Variants in LONP1 observed in about 807,000 individuals in gnomAD.
The protein encoded by LONP1 is lon protease homolog, mitochondrial.
Under a neutral mutation model 98.5 loss-of-function variants are expected in LONP1, and 31 were observed. The ratio of observed to expected loss-of-function variants is 0.31; its 90% CI spans 0.24 to 0.42. The LOEUF is 0.42. Among genes scored for constraint, LONP1 ranks in the 20% least tolerant of loss-of-function variants. LONP1 has a pLI of 1.00. For synonymous variants in LONP1, 781 were observed against 594.7 expected (o/e 1.31, Z -4.56); for missense variants, 1,336 against 1,350.6 (o/e 0.99, Z 0.17).
At position 5,694,459 on chromosome 19, in the gene LONP1, C is replaced by G. The variant is rs374091667; in HGVS notation, c.2248G>C (p.Val750Leu). 1.2e-6 allele frequency: 2 copies of G among 1,613,492 alleles called. No individual in the cohort carries two copies. Among genetic ancestry groups the G allele is most frequent in the Non-Finnish European group, 1.7e-6 (2 of 1,180,022 alleles). ...ENLQDFVGKP[V>L]FTVERMYDVT... ...TCATACATGCGCTCCACGGTGAACA[C>G]GGGCTTCCCCACGAAGTCCTGCAGG... Residue 750 changes from valine to leucine, a missense_variant, in exon 15 of 18, where the codon GTG becomes CTG. Physicochemically the swap from Val to Leu is conservative, Grantham distance 32. Transcript: ENST00000360614.
chr19:5,713,736 T>C (rs1315196176), intron 2 of LONP1, among the ~76,000 whole-genome samples: 1 of 152,100 alleles, frequency 6.6e-6, no homozygotes, highest in Admixed American at 6.6e-5. Context: ...TAATGTTTTG[T>C]ATTTTTAGTA....
intron 8 of LONP1, among the ~76,000 whole-genome samples, chr19:5,702,427 C>T (rs1270790827): frequency 6.7e-6 from 1 of 150,152 alleles, no homozygotes; most frequent in African/African-American, 2.5e-5. Flanking sequence ...GCCGCCCCTA[C>T]TGGGAAGTGA....
rs757114725 is a variant in LONP1 at position 5,693,756 on chromosome 19, C to T, written c.2334G>A (p.Leu778=). 30 of 1,613,556 alleles carry T rather than the reference C, an allele frequency of 1.9e-5. No individual in the cohort carries two copies. Among genetic ancestry groups the T allele is most frequent in the Non-Finnish European group, 2.4e-5 (28 of 1,179,918 alleles). Residue 778 remains leucine, a synonymous_variant, in exon 16 of 18, where the codon CTG becomes CTA. Transcript: ENST00000360614. The part of the protein sequence containing the change: ...LAWTAMGGST[L]FVETSLRRPQ... ...GCCGTCTCAGGGATGTCTCCACAAA[C>T]AGCGTGGAGCCTCCTGAAACAGGTG...
Position 5,715,517 on chromosome 19 carries a change from C to G in LONP1, c.430-1246G>C, listed in dbSNP as rs371478479. On this transcript the variant is annotated intron_variant, in intron 1 of 17. Coordinates refer to ENST00000360614, the MANE Select transcript of LONP1 (RefSeq NM_004793.4). The stretch of plus-strand genomic sequence containing the variant: ...ATTAGCCGGGCGTGGTGGCGGGCAC[C>G]TGTAGTCCCAGCTACTCGGGAGGCT... 1.5e-3 allele frequency among the ~76,000 whole-genome samples: 233 copies of G among 150,710 alleles called. 1 individual carries two copies. The highest frequency in any genetic ancestry group is 5.5e-3 in the African/African-American group (225 of 41,146).
At chr19:5,695,006 G>A (rs1599446075) in intron 13 of LONP1, 105 bp from the exon 14 acceptor site, 2 of 1,337,178 alleles carry the variant, frequency 1.5e-6, no homozygotes, top group East Asian at 2.4e-5. Flanking sequence ...ACCCTGGCCT[G>A]GGAACGAGGT....
In LONP1 at chr19:5,711,825, C is replaced by T; in HGVS notation, c.816G>A (p.Met272Ile). Residue 272 changes from methionine (M) to isoleucine (I), a missense_variant, in exon 4 of 18, where the codon ATG (methionine) becomes ATA (isoleucine). Met to Ile is a conservative substitution (Grantham distance 10). Coordinates refer to ENST00000360614, the MANE Select transcript of LONP1 (RefSeq NM_004793.4). ...CGTGGACAACGTTCTCTACCTCCAC[C>T]ATGAGCACCTCAGCCGGGAGCTCAG... The part of the protein sequence containing the change: ...PTPELPAEVL[M>I]VEVENVVHED... 1 of 1,612,832 alleles carries T rather than the reference C, an allele frequency of 6.2e-7. No homozygotes were observed. Among genetic ancestry groups the T allele is most frequent in the Non-Finnish European group, 8.5e-7 (1 of 1,179,918 alleles).
chr19:5,704,262 G>C (rs1171245018), intron 8 of LONP1, among the ~76,000 whole-genome samples: 1 of 152,340 alleles, frequency 6.6e-6, no homozygotes, highest in South Asian at 2.1e-4. Flanking sequence ...GCCTCTGGGA[G>C]GGACGGGCCC....
chr19:5,706,240 G>A (rs548873663), intron 7 of LONP1, among the ~76,000 whole-genome samples: 6 of 152,118 alleles, frequency 3.9e-5, no homozygotes, highest in Admixed American at 2.0e-4. Context: ...GGGCTCAAGC[G>A]ATCCTCCTGC....
chr19:5,717,891 C>CTTTT (rs532198283), intron 1 of LONP1, among the ~76,000 whole-genome samples: 83 of 133,182 alleles, frequency 6.2e-4, no homozygotes, highest in South Asian at 1.2e-3. Flanking sequence ...TTCTTTCTTT[C>CTTTT]TTTTTTTTTT....
At chr19:5,697,280 G>A (rs912467673) in intron 10 of LONP1, among the ~76,000 whole-genome samples, 3 of 152,034 alleles carry the variant, frequency 2.0e-5, no homozygotes, top group Admixed American at 6.6e-5. Context: ...CAGGGATGGA[G>A]GGACTGAGAT....
At chr19:5,705,457 CAAAA>C (rs552452093) in intron 8 of LONP1, among the ~76,000 whole-genome samples, 10 of 106,020 alleles carry the variant, frequency 9.4e-5, no homozygotes, top group Non-Finnish European at 1.7e-4. Flanking sequence ...GACTCCATTT[CAAAA>C]AAAAAAAAAA....
At position 5,719,979 on chromosome 19, in the gene LONP1, AAGG is replaced by A. The variant is rs767432793; in HGVS notation, c.151_153del (p.Pro51del). ...GCCGGGCCTCGGCCCCACAGTGCCC[AAGG>A]AGGAGAGGCGTCGCAGGTCCGCTGG... On this transcript the variant is annotated inframe_deletion, in exon 1 of 18. Transcript: ENST00000360614. The A allele has an allele frequency of 2.5e-6, 4 of 1,583,022 alleles. No individual in the cohort carries two copies. Among genetic ancestry groups the A allele is most frequent in the South Asian group, 1.1e-5 (1 of 87,104 alleles).
chr19:5,710,644 T>C (rs1019788095), intron 4 of LONP1, among the ~76,000 whole-genome samples: 1 of 152,100 alleles, frequency 6.6e-6, no homozygotes, highest in Non-Finnish European at 1.5e-5. Flanking sequence ...TCCAAAAGTG[T>C]TGGGATGACA....
intron 10 of LONP1, among the ~76,000 whole-genome samples, chr19:5,697,514 AG>A (rs1568314317): frequency 7.9e-6 from 1 of 126,820 alleles, no homozygotes; most frequent in Non-Finnish European, 1.6e-5. Context: ...GGAGGGGGGG[AG>A]AGAAGAGGGA....
At chr19:5,715,446 A>G (rs1002913187) in intron 1 of LONP1, among the ~76,000 whole-genome samples, 1 of 150,540 alleles carries the variant, frequency 6.6e-6, no homozygotes, top group African/African-American at 2.4e-5. Flanking sequence ...GATCGAGACC[A>G]TCCTGGCTAA....
rs536855371 is a variant in LONP1, at chr19:5,701,011, G to A, written c.1368-84C>T. 5.5e-5 allele frequency: 84 copies of A among 1,522,524 alleles called. No individual in the cohort carries two copies. In the African/African-American group the frequency reaches 1.0e-3, roughly 19 times the overall value. 94.3% of individuals were successfully genotyped at this position (1,522,524 alleles called of 1,614,324 possible). A position where few individuals can be genotyped will look rare whatever the true frequency, so the allele number is the denominator to read the frequency against. ...CTGGACTTGGCTGGGTGGTTGCAAGGGGCTTGAAACCCATGTGTGGGGCTG... is the reference window on the plus strand; with the variant it reads ...CTGGACTTGGCTGGGTGGTTGCAAGAGGCTTGAAACCCATGTGTGGGGCTG... On this transcript the variant is annotated intron_variant, in intron 8 of 17. Transcript: ENST00000360614.
chr19:5,703,238 AAGG>A (rs1228407034), intron 8 of LONP1, among the ~76,000 whole-genome samples: 9 of 151,926 alleles, frequency 5.9e-5, no homozygotes, highest in African/African-American at 1.5e-4. Context: ...CCAGTGCAGG[AAGG>A]AGGAGATGGC....
chr19:5,711,018 C>A (rs1261280154), intron 4 of LONP1, among the ~76,000 whole-genome samples: 2 of 151,168 alleles, frequency 1.3e-5, no homozygotes, highest in Admixed American at 1.3e-4. Context: ...CAGAGCCAGA[C>A]TCTGTCTCAA....
rs779845029 is a variant in LONP1, at chr19:5,719,781, G to C, written c.352C>G (p.Pro118Ala). The C allele has an allele frequency of 4.3e-6, 7 of 1,613,346 alleles. No homozygotes were observed. In the East Asian group the frequency reaches 1.3e-4, roughly 31 times the overall value. ...AGCGGCAGGTGCGGAAACACATCGG[G>C]GATCGTCATGGGCGTGAGCGCCGTT... ...VITALTPMTI[P>A]DVFPHLPLIA... The change falls in exon 1 of 18, where the codon CCC becomes GCC. Residue 118 changes from proline to alanine, a missense_variant. Coordinates refer to ENST00000360614, the MANE Select transcript of LONP1 (RefSeq NM_004793.4).
Sources: allele counts gnomAD v4.1 joint callset (sites outside exome capture counted in the v4.1 genomes callset), GRCh38; gene constraint gnomAD v4.1.1; transcripts MANE v1.5; gene names NCBI Gene and HGNC (gene_info 2026-07-23, HGNC 2026-07-21).